The following B3GAT2 variants were observed in gnomAD, a reference collection of about 807,000 sequenced individuals.
B3GAT2 encodes the protein beta-1,3-glucuronyltransferase 2.
A neutral mutation model predicts 27.8 loss-of-function variants in B3GAT2; 26 were observed. The ratio of observed to expected loss-of-function variants is 0.93; its 90% CI spans 0.68 to 1.30. The LOEUF is 1.30. B3GAT2 is among the 50% of genes most tolerant of loss of function. The probability of loss-of-function intolerance (pLI) is 0.00; values close to 1 mark genes in which losing one functional copy is unlikely to be tolerated. For synonymous variants in B3GAT2, 218 were observed against 195.1 expected (o/e 1.12, Z -0.98); for missense variants, 458 against 459.0 (o/e 1.00, Z 0.02).
chr6:70,944,851 G>A (rs895490925), intron 1 of B3GAT2, among the ~76,000 whole-genome samples: 3 of 152,146 alleles, frequency 2.0e-5, no homozygotes, highest in African/African-American at 7.2e-5. Context: ...ACCTCACACG[G>A]CCAGGTACTC....
At chr6:70,919,413 A>G (rs1312168279) in intron 1 of B3GAT2, among the ~76,000 whole-genome samples, 1 of 152,146 alleles carries the variant, frequency 6.6e-6, no homozygotes, top group African/African-American at 2.4e-5. Flanking sequence ...TCAACTCATC[A>G]AATTCATTCT....
chr6:70,950,587 G>A (rs1430409910), intron 1 of B3GAT2, among the ~76,000 whole-genome samples: 4 of 152,166 alleles, frequency 2.6e-5, no homozygotes, highest in African/African-American at 9.7e-5. Flanking sequence ...ACAGCTACAT[G>A]ACATTTTCAA....
rs1267051046 is a variant in B3GAT2 at position 70,955,931 on chromosome 6, G to A, written c.499C>T (p.Leu167=). The change falls in exon 1 of 4, where the codon CTG becomes TTG. Residue 167 remains leucine (L), a synonymous_variant. Transcript: ENST00000230053. ...CGCTGGTGCTGGTGCCTCTGGCGCAGCCAGGCGAGGCCCGCGTTGCGCTGC... is the reference window on the plus strand; with the variant it reads ...CGCTGGTGCTGGTGCCTCTGGCGCAACCAGGCGAGGCCCGCGTTGCGCTGC... The part of the protein sequence containing the change: ...TEQRNAGLAW[L]RQRHQHQRAQ... 1 of 1,588,280 alleles carries A rather than the reference G, an allele frequency of 6.3e-7. No homozygotes were observed. Among genetic ancestry groups the A allele is most frequent in the Non-Finnish European group, 8.6e-7 (1 of 1,169,234 alleles).
At chr6:70,916,859 C>CT (rs1205390354) in intron 1 of B3GAT2, among the ~76,000 whole-genome samples, 5 of 151,860 alleles carry the variant, frequency 3.3e-5, no homozygotes, top group African/African-American at 1.2e-4. Context: ...CTAAAATTAT[C>CT]TTTTTTTGTT....
chr6:70,931,741 G>T (rs769449959), intron 1 of B3GAT2, among the ~76,000 whole-genome samples: 2 of 152,088 alleles, frequency 1.3e-5, no homozygotes, highest in Non-Finnish European at 2.9e-5. Flanking sequence ...TCATGACATT[G>T]AATTTGGCAT....
rs904629150 is a variant in B3GAT2, at chr6:70,955,772, T to C, written c.591+67A>G. The C allele has an allele frequency of 3.4e-6, 5 of 1,476,124 alleles. No homozygotes were observed. The African/African-American group carries it at 7.4e-5, about 22-fold the overall frequency. 91.4% of individuals were successfully genotyped at this position (1,476,124 alleles called of 1,614,324 possible). ...ACCCGGAGTGCAAGGGGCGTGTGAC[T>C]GCAGCCCGGCCGGCCCGGAGGCCCA... On this transcript the variant is annotated intron_variant, in intron 1 of 3. Transcript: ENST00000230053.
chr6:70,948,866 A>G (rs1381054476), intron 1 of B3GAT2, among the ~76,000 whole-genome samples: 1 of 152,218 alleles, frequency 6.6e-6, no homozygotes, highest in Non-Finnish European at 1.5e-5. Flanking sequence ...ACAGAGATAT[A>G]GATCAATGGA....
intron 1 of B3GAT2, among the ~76,000 whole-genome samples, chr6:70,911,583 C>T (rs1772690032): frequency 6.6e-6 from 1 of 152,120 alleles, no homozygotes; most frequent in Non-Finnish European, 1.5e-5. Context: ...TAATGTGATG[C>T]CTCCAGTTTT....
At chr6:70,944,696 T>C (rs1270276658) in intron 1 of B3GAT2, among the ~76,000 whole-genome samples, 3 of 152,194 alleles carry the variant, frequency 2.0e-5, no homozygotes, top group African/African-American at 4.8e-5. Context: ...AATGTCCCTG[T>C]CTGACAGCTT....
Position 70,856,774 on chromosome 6 carries a change from T to C in B3GAT2, c.*4889A>G, listed in dbSNP as rs1468641058. The C allele has an allele frequency of 7.3e-7, 1 of 1,365,338 alleles. No homozygotes were observed. The highest frequency in any genetic ancestry group is 1.9e-4 in the Middle Eastern group (1 of 5,296). The allele number at this position is 1,365,338 out of a possible 1,614,324, so 84.6% of individuals were successfully genotyped here. A position where few individuals can be genotyped will look rare whatever the true frequency, so the allele number is the denominator to read the frequency against. ...ACAATTGTTTGATTCCTATCTAATT[T>C]TATAACTTTATTTGGATTTTAAGTA... On this transcript the variant is annotated 3_prime_UTR_variant, in exon 4 of 4. Transcript: ENST00000230053.
intron 1 of B3GAT2, among the ~76,000 whole-genome samples, chr6:70,945,974 G>A (rs1344981708): frequency 6.6e-6 from 1 of 151,844 alleles, no homozygotes; most frequent in African/African-American, 2.4e-5. Context: ...GCCAAACTAA[G>A]CTTCATAAGT....
chr6:70,862,485 T>G (rs1452300653), intron 2 of B3GAT2, among the ~76,000 whole-genome samples: 1 of 152,172 alleles, frequency 6.6e-6, no homozygotes, highest in African/African-American at 2.4e-5. Flanking sequence ...GTAAAGCCGA[T>G]TAGCTGGAAA....
In B3GAT2 at chr6:70,861,878, C is replaced by CTGTT. The variant is rs769293420; in HGVS notation, c.833_836dup (p.Ile280ThrfsTer14). On this transcript the variant is annotated frameshift_variant, in exon 3 of 4. Coordinates refer to ENST00000230053, the MANE Select transcript of B3GAT2 (RefSeq NM_080742.3). LOFTEE classifies it high-confidence loss of function. ...GTTCCAGTTCTTCGACTGTTGTTAT[C>CTGTT]TGTTTGAGAAAGTCAGATTCTTGCA... 26 of 1,613,890 alleles carry CTGTT rather than the reference C, an allele frequency of 1.6e-5. No homozygotes were observed. Among genetic ancestry groups the CTGTT allele is most frequent in the Admixed American group, 1.0e-4 (6 of 59,974 alleles).
chr6:70,877,656 G>C (rs1486585638), intron 2 of B3GAT2, among the ~76,000 whole-genome samples: 2 of 152,202 alleles, frequency 1.3e-5, no homozygotes, highest in Non-Finnish European at 2.9e-5. Flanking sequence ...TTCAGGCCAA[G>C]ACTGACATGA....
intron 2 of B3GAT2, among the ~76,000 whole-genome samples, chr6:70,874,781 G>A (rs756946320): frequency 6.6e-6 from 1 of 152,064 alleles, no homozygotes; most frequent in African/African-American, 2.4e-5. Flanking sequence ...GGTTTTCTAG[G>A]GAATTGCTGG....
rs1378887071 is a variant in B3GAT2, at chr6:70,956,621, G to A, written c.-192C>T. 4.2e-6 allele frequency: 6 copies of A among 1,424,254 alleles called. No individual in the cohort carries two copies. The highest frequency in any genetic ancestry group is 1.8e-6 in the Non-Finnish European group (2 of 1,095,302). The allele number at this position is 1,424,254 out of a possible 1,614,324, so 88.2% of individuals were successfully genotyped here. ...GGGCGTGGAGGAGCGGCAGGTTCGC[G>A]CAAGCTAGAGCGACAAGGGGTGCAG... On this transcript the variant is annotated 5_prime_UTR_variant, in exon 1 of 4. Transcript: ENST00000230053.
chr6:70,944,134 C>A (rs1179277441), intron 1 of B3GAT2, among the ~76,000 whole-genome samples: 1 of 152,154 alleles, frequency 6.6e-6, no homozygotes, highest in Admixed American at 6.6e-5. Flanking sequence ...TCTACAGCTC[C>A]CAGCGTGAGC....
rs1203527485 is a variant in B3GAT2, at chr6:70,932,817, T to C, written c.591+23022A>G. Among the ~76,000 whole-genome samples, 5 of 152,328 alleles carry C rather than the reference T, an allele frequency of 3.3e-5. No homozygotes were observed. In the East Asian group the frequency reaches 9.6e-4, roughly 29 times the overall value. ...GACATGAACTTTTTTCTTTTTCTTT[T>C]TTGAGACAGGGTCTCAGTCTATCAT... On this transcript the variant is annotated intron_variant, in intron 1 of 3. Transcript: ENST00000230053.
intron 2 of B3GAT2, among the ~76,000 whole-genome samples, chr6:70,880,125 T>TAG (rs573615103): frequency 3.3e-5 from 5 of 149,798 alleles, no homozygotes; most frequent in African/African-American, 7.4e-5. Context: ...GCAGAGGAGG[T>TAG]AGAGAGAGAG....
Sources: allele counts gnomAD v4.1 joint callset (sites outside exome capture counted in the v4.1 genomes callset), GRCh38; gene constraint gnomAD v4.1.1; transcripts MANE v1.5; gene names NCBI Gene and HGNC (gene_info 2026-07-23, HGNC 2026-07-21).